The following SERPINB12 variants were observed in gnomAD, a reference collection of about 807,000 sequenced individuals.
SERPINB12 encodes the protein serpin family B member 12.
A neutral mutation model predicts 41.1 loss-of-function variants in SERPINB12; 57 were observed. That is an observed-to-expected ratio of 1.39 (90% CI 1.12 to 1.73). The LOEUF (loss-of-function observed/expected upper bound fraction) is 1.73. SERPINB12 is among the 40% of genes most tolerant of loss of function. SERPINB12 has a pLI of 0.00. For synonymous variants in SERPINB12, 180 were observed against 181.3 expected, an observed-to-expected ratio of 0.99 and a Z score of 0.06; for missense variants, 536 against 501.9, an observed-to-expected ratio of 1.07 and a Z score of -0.65.
At chr18:63,559,021 T>C (rs897886387) in intron 3 of SERPINB12, among the ~76,000 whole-genome samples, 1 of 64,850 alleles carries the variant, frequency 1.5e-5, no homozygotes, top group South Asian at 5.4e-4. Context: ...TTTCTTTCTT[T>C]CTTTCTTTCT....
intron 1 of SERPINB12, among the ~76,000 whole-genome samples, chr18:63,554,671 G>C (rs1158550850): frequency 8.5e-5 from 13 of 152,150 alleles, no homozygotes; most frequent in Admixed American, 8.5e-4. Flanking sequence ...AGATTGGGTG[G>C]GGAAGGCAAG....
chr18:63,544,948 C>A (rs1280769872), intron 1 of SERPINB12, among the ~76,000 whole-genome samples: 1 of 151,942 alleles, frequency 6.6e-6, no homozygotes, highest in Non-Finnish European at 1.5e-5. Context: ...GACAAAGAGC[C>A]CCTTTGTAAT....
chr18:63,539,243 G>A (rs188851693), upstream of SERPINB12, among the ~76,000 whole-genome samples: 3 of 152,178 alleles, frequency 2.0e-5, no homozygotes, highest in African/African-American at 7.2e-5. Flanking sequence ...GAATGGATAG[G>A]GGGTGTGAAA....
At chr18:63,538,980 G>A (rs1379632702), upstream of SERPINB12, among the ~76,000 whole-genome samples, 1 of 152,128 alleles carries the variant, frequency 6.6e-6, no homozygotes, top group Non-Finnish European at 1.5e-5. Flanking sequence ...TGGGAGTGGT[G>A]GCTCATGCCT....
chr18:63,533,577 CA>C, the SERPINB12 span, among the ~76,000 whole-genome samples: 1 of 152,164 alleles, frequency 6.6e-6, no homozygotes, highest in South Asian at 2.1e-4. Flanking sequence ...CTTTTGAAAA[CA>C]TGTTAATCCA....
At chr18:63,530,459 G>A in the SERPINB12 span, among the ~76,000 whole-genome samples, 6 of 152,132 alleles carry the variant, frequency 3.9e-5, no homozygotes, top group Non-Finnish European at 5.9e-5. Context: ...CTCAGCTTTT[G>A]AAGCAGAGGA....
chr18:63,521,074 G>GT, the SERPINB12 span, among the ~76,000 whole-genome samples: 1 of 152,206 alleles, frequency 6.6e-6, no homozygotes, highest in Non-Finnish European at 1.5e-5. Flanking sequence ...TAAACAGGCA[G>GT]TTGGTGGACA....
At chr18:63,545,739 C>A (rs368216899) in intron 1 of SERPINB12, among the ~76,000 whole-genome samples, 4 of 152,080 alleles carry the variant, frequency 2.6e-5, no homozygotes, top group African/African-American at 9.7e-5. Flanking sequence ...GAATGGTATA[C>A]CCTTTTGGAA....
In SERPINB12 at chr18:63,567,052, A is replaced by G. The variant is rs1397822168; in HGVS notation, c.*41A>G. 2.6e-6 allele frequency: 4 copies of G among 1,509,974 alleles called. No homozygotes were observed. The South Asian group carries it at 5.4e-5, about 20-fold the overall frequency. The allele number at this position is 1,509,974 out of a possible 1,614,324, so 93.5% of individuals were successfully genotyped here. A position where few individuals can be genotyped will look rare whatever the true frequency, so the allele number is the denominator to read the frequency against. ...TAGTACTTTGGAGCTGGAGGAAAAT[A>G]TCAATACAATCTTCCCCTGGCATAA... On this transcript the variant is annotated 3_prime_UTR_variant, in exon 8 of 8. Coordinates refer to ENST00000382768, the MANE Select transcript of SERPINB12 (RefSeq NM_001307928.2).
chr18:63,563,272 A>G (rs58630672), intron 5 of SERPINB12, among the ~76,000 whole-genome samples: 5,267 of 152,340 alleles, frequency 0.035, 304 homozygotes, highest in East Asian at 0.29. Context: ...ACCTTATGCT[A>G]TGTTGAGTGC....
intron 3 of SERPINB12, 105 bp from the exon 4 acceptor site, chr18:63,559,473 C>A: frequency 8.7e-7 from 1 of 1,153,788 alleles, no homozygotes; most frequent in Non-Finnish European, 1.2e-6. Context: ...TGACATCTTA[C>A]TAAGAAGCTC....
In SERPINB12 at chr18:63,567,439, G is replaced by A. The variant is rs79797093; in HGVS notation, c.*428G>A. Among the ~76,000 whole-genome samples, 866 of 152,114 alleles carry A rather than the reference G, an allele frequency of 5.7e-3. 20 individuals carry two copies. The East Asian group carries it at 0.057, about 10-fold the overall frequency. Reference sequence around the variant, plus strand: ...GCTCTGTTTCTGGGGTAGTTTGACCGGAACGTGTTTGGAAACTCAGCTCTG... The same window carrying A: ...GCTCTGTTTCTGGGGTAGTTTGACCAGAACGTGTTTGGAAACTCAGCTCTG... On this transcript the variant is annotated 3_prime_UTR_variant, in exon 8 of 8. Transcript: ENST00000382768.
chr18:63,529,709 C>T, the SERPINB12 span, among the ~76,000 whole-genome samples: 1 of 151,756 alleles, frequency 6.6e-6, no homozygotes. Flanking sequence ...GTGTACCTAC[C>T]TGTATGTATA....
chr18:63,565,521 A>G lies in SERPINB12; in HGVS notation c.782A>G (p.Gln261Arg). 1 of 1,614,094 alleles carries G rather than the reference A, an allele frequency of 6.2e-7. No individual in the cohort carries two copies. The highest frequency in any genetic ancestry group is 8.5e-7 in the Non-Finnish European group (1 of 1,179,976). ...GGCTTCATAGAGGAGGTGAAGGCAC[A>G]GATCCTGGAAATGAGGTACACCAAG... ...RIGFIEEVKAQILEMRYTKGK... is the reference protein window; with the variant it reads ...RIGFIEEVKARILEMRYTKGK... The change falls in exon 7 of 8, where the codon CAG (glutamine) becomes CGG (arginine). Residue 261 changes from glutamine to arginine, a missense_variant. Physicochemically the swap from Gln to Arg is conservative, Grantham distance 43. Coordinates refer to ENST00000382768, the MANE Select transcript of SERPINB12 (RefSeq NM_001307928.2).
chr18:63,529,968 C>T, the SERPINB12 span, among the ~76,000 whole-genome samples: 2 of 152,060 alleles, frequency 1.3e-5, no homozygotes, highest in Admixed American at 6.6e-5. Context: ...ATACTTGCTC[C>T]CAGGAATCAT....
chr18:63,559,607 G>T lies in SERPINB12; in HGVS notation c.333G>T (p.Leu111=), dbSNP rs568156413. The T allele has an allele frequency of 1.2e-6, 2 of 1,614,128 alleles. No homozygotes were observed. Among genetic ancestry groups the T allele is most frequent in the Non-Finnish European group, 1.7e-6 (2 of 1,179,988 alleles). ...GGTCCTTAAACAATGAGAGCGGACT[G>T]GTCAGCTGCTACTTTGGGCAGCTTC... ...QAGSLNNESG[L]VSCYFGQLLS... Residue 111 remains leucine (L), a synonymous_variant, in exon 4 of 8, where the codon CTG becomes CTT. Transcript: ENST00000382768.
the SERPINB12 span, among the ~76,000 whole-genome samples, chr18:63,520,532 G>A: frequency 6.6e-6 from 1 of 152,150 alleles, no homozygotes; most frequent in Non-Finnish European, 1.5e-5. Flanking sequence ...GAGTCAACAG[G>A]TGTCCTTGCA....
At chr18:63,524,557 C>T in the SERPINB12 span, among the ~76,000 whole-genome samples, 1 of 151,974 alleles carries the variant, frequency 6.6e-6, no homozygotes. Flanking sequence ...CCTAAAATTG[C>T]TGGGATTACT....
the SERPINB12 span, among the ~76,000 whole-genome samples, chr18:63,529,344 C>T: frequency 3.9e-5 from 6 of 152,256 alleles, no homozygotes; most frequent in African/African-American, 9.6e-5. Flanking sequence ...ATGCCCCCAA[C>T]GAAGTGTTTT....
Sources: allele counts gnomAD v4.1 joint callset (sites outside exome capture counted in the v4.1 genomes callset), GRCh38; gene constraint gnomAD v4.1.1; transcripts MANE v1.5; gene names NCBI Gene and HGNC (gene_info 2026-07-23, HGNC 2026-07-21).